Variants in PRICKLE2 observed in about 807,000 individuals in gnomAD.
The protein encoded by PRICKLE2 is prickle planar cell polarity protein 2, also known as prickle-like protein 2.
A neutral mutation model predicts 81.4 loss-of-function variants in PRICKLE2; 21 were observed. That is an observed-to-expected ratio of 0.26 (90% CI 0.18 to 0.37). The LOEUF (loss-of-function observed/expected upper bound fraction) is 0.37, where lower values mean the gene tolerates loss of function less well. Ranked by LOEUF, PRICKLE2 falls within the 10% of genes least tolerant of loss-of-function variation. PRICKLE2 has a pLI of 1.00. For missense variants in PRICKLE2, 940 were observed against 1,109.0 expected (o/e 0.85, Z 2.16); for synonymous variants, 456 against 421.5 (o/e 1.08, Z -1.00).
chr3:64,171,281 C>T (rs1015779134), intron 2 of PRICKLE2, among the ~76,000 whole-genome samples: 1 of 152,176 alleles, frequency 6.6e-6, no homozygotes, highest in Admixed American at 6.5e-5. Flanking sequence ...GGCAATAATA[C>T]CCCCCAAGAG....
chr3:64,182,195 C>T (rs930708692), intron 2 of PRICKLE2, among the ~76,000 whole-genome samples: 1 of 152,034 alleles, frequency 6.6e-6, no homozygotes, highest in East Asian at 1.9e-4. Flanking sequence ...ATAAAGAGGG[C>T]TTGTGGCCAG....
At chr3:64,168,828 A>G (rs2107057920) in intron 2 of PRICKLE2, among the ~76,000 whole-genome samples, 1 of 152,310 alleles carries the variant, frequency 6.6e-6, no homozygotes, top group African/African-American at 2.4e-5. Context: ...CGATGAACAC[A>G]TTTTCCTTTG....
intron 7 of PRICKLE2, among the ~76,000 whole-genome samples, chr3:64,119,972 C>A (rs2076999744): frequency 1.3e-5 from 2 of 152,124 alleles, no homozygotes; most frequent in Admixed American, 6.6e-5. Flanking sequence ...AACGAATTAC[C>A]ACATGTTCTC....
At chr3:64,210,724 A>G (rs2078772335) in intron 1 of PRICKLE2, among the ~76,000 whole-genome samples, 1 of 152,220 alleles carries the variant, frequency 6.6e-6, no homozygotes, top group Non-Finnish European at 1.5e-5. Context: ...AGCAGTGGAA[A>G]TTCCTTCCCT....
At chr3:64,206,153 C>T (rs1271900985) in intron 1 of PRICKLE2, among the ~76,000 whole-genome samples, 1 of 152,122 alleles carries the variant, frequency 6.6e-6, no homozygotes, top group Non-Finnish European at 1.5e-5. Flanking sequence ...CATGGAGATG[C>T]ATGGGGAATA....
In PRICKLE2 at chr3:64,147,805, G is replaced by A. The variant is rs1044309861; in HGVS notation, c.788-103C>T. 2 of 1,250,328 alleles carry A rather than the reference G, an allele frequency of 1.6e-6. No homozygotes were observed. Among genetic ancestry groups the A allele is most frequent in the Non-Finnish European group, 2.3e-6 (2 of 858,460 alleles). 77.5% of individuals were successfully genotyped at this position (1,250,328 alleles called of 1,614,324 possible). A position where few individuals can be genotyped will look rare whatever the true frequency, so the allele number is the denominator to read the frequency against. ...TGGTTTGTCTCAGGATTCCAGGTGCGGCAGGATAAACTGTCAATAAATCAA... is the reference window on the plus strand; with the variant it reads ...TGGTTTGTCTCAGGATTCCAGGTGCAGCAGGATAAACTGTCAATAAATCAA... On this transcript the variant is annotated intron_variant, in intron 6 of 7. Transcript: ENST00000638394. The surrounding 1 kb of genome is among the most constrained non-coding windows in gnomAD (Gnocchi z 5.0).
chr3:64,235,020 A>G (rs2079160167), intron 2 of PRICKLE2, among the ~76,000 whole-genome samples: 1 of 151,880 alleles, frequency 6.6e-6, no homozygotes, highest in Admixed American at 6.6e-5. Flanking sequence ...GGTGTGCTTG[A>G]TGGTATCTCA....
intron 1 of PRICKLE2, among the ~76,000 whole-genome samples, chr3:64,205,148 A>C (rs2078661475): frequency 6.6e-6 from 1 of 151,038 alleles, no homozygotes. Flanking sequence ...TCATTCTGTC[A>C]GAGTTGACAT....
intron 1 of PRICKLE2, among the ~76,000 whole-genome samples, chr3:64,224,355 C>T (rs1408388174): frequency 1.3e-5 from 2 of 152,170 alleles, no homozygotes; most frequent in Admixed American, 1.3e-4. Context: ...CCTCAAGAAA[C>T]CCAGCATAGA....
intron 2 of PRICKLE2, among the ~76,000 whole-genome samples, chr3:64,256,483 C>T (rs1463771111): frequency 6.6e-6 from 1 of 152,152 alleles, no homozygotes; most frequent in Non-Finnish European, 1.5e-5. Context: ...TAACCTAAAA[C>T]ATTTACTATT....
intron 2 of PRICKLE2, among the ~76,000 whole-genome samples, chr3:64,189,476 T>C (rs1166615399): frequency 6.6e-6 from 1 of 152,118 alleles, no homozygotes; most frequent in African/African-American, 2.4e-5. Flanking sequence ...TCACTGTGCA[T>C]GAGGAAGGGG....
intron 7 of PRICKLE2, among the ~76,000 whole-genome samples, chr3:64,140,185 C>T (rs2077339026): frequency 6.6e-6 from 1 of 152,168 alleles, no homozygotes; most frequent in South Asian, 2.1e-4. Context: ...CATTCCATTT[C>T]AAAGATGAGG....
chr3:64,167,261 AT>A (rs2077850336), intron 2 of PRICKLE2, among the ~76,000 whole-genome samples: 1 of 152,186 alleles, frequency 6.6e-6, no homozygotes, highest in South Asian at 2.1e-4. Flanking sequence ...GCTATTACCC[AT>A]TATGCTGATA....
chr3:64,247,491 A>G (rs1290031426), intron 2 of PRICKLE2, among the ~76,000 whole-genome samples: 2 of 152,236 alleles, frequency 1.3e-5, no homozygotes, highest in South Asian at 4.1e-4. Context: ...CTTACATCAT[A>G]CATAATCTCC....
intron 2 of PRICKLE2, among the ~76,000 whole-genome samples, chr3:64,182,862 T>C (rs73124901): frequency 0.19 from 28,726 of 150,338 alleles, 2,971 homozygotes; most frequent in Non-Finnish European, 0.23. Context: ...CAAAGGAAAA[T>C]GAAGAAAACT....
At chr3:64,117,935 T>G (rs969792366) in intron 7 of PRICKLE2, among the ~76,000 whole-genome samples, 4 of 152,084 alleles carry the variant, frequency 2.6e-5, no homozygotes, top group African/African-American at 9.7e-5. Flanking sequence ...AGGCATCACA[T>G]TTCCCAACTT....
upstream of PRICKLE2, among the ~76,000 whole-genome samples, chr3:64,226,784 C>G (rs936445115): frequency 1.3e-5 from 2 of 152,202 alleles, no homozygotes; most frequent in African/African-American, 4.8e-5. Context: ...TGTGCAGTAT[C>G]CCGGGCCAGG....
chr3:64,174,858 T>G (rs746447115), intron 2 of PRICKLE2: 73 of 212,182 alleles, frequency 3.4e-4, no homozygotes, highest in Admixed American at 1.3e-4. Flanking sequence ...ACATCACACT[T>G]TTCTCAGATT....
intron 1 of PRICKLE2, among the ~76,000 whole-genome samples, chr3:64,206,356 A>G (rs1246188263): frequency 6.6e-6 from 1 of 152,166 alleles, no homozygotes; most frequent in African/African-American, 2.4e-5. Flanking sequence ...GGTTTTACCA[A>G]TATAATCGAT....
Sources: gnomAD v4.1 joint callset for allele counts (sites outside exome capture counted in the v4.1 genomes callset) on GRCh38, gnomAD v4.1.1 for gene constraint, Gnocchi (gnomAD v3.1) non-coding constraint, MANE v1.5 for transcripts, NCBI Gene and HGNC (gene_info 2026-07-23, HGNC 2026-07-21) for gene names.